RIOK3: variants seen among roughly 807,000 people sequenced by gnomAD.
RIOK3 encodes serine/threonine-protein kinase RIO3.
Under a neutral mutation model 63.5 loss-of-function variants are expected in RIOK3, and 40 were observed. The observed-to-expected ratio is 0.63, with a 90% CI of 0.49 to 0.82. The LOEUF (loss-of-function observed/expected upper bound fraction) is 0.82. Among genes scored for constraint, RIOK3 ranks in the 40% least tolerant of loss-of-function variants. RIOK3 has a pLI of 0.00. For synonymous variants in RIOK3, 193 were observed against 205.0 expected (o/e 0.94, Z 0.50); for missense variants, 557 against 637.0 (o/e 0.87, Z 1.35).
intron 5 of RIOK3, 32 bp from the exon 6 acceptor site, chr18:23,466,101 A>C: frequency 6.5e-7 from 1 of 1,531,454 alleles, no homozygotes; most frequent in Non-Finnish European, 8.8e-7. Flanking sequence ...CCTATTTTAA[A>C]ATATTTAGAT....
chr18:23,466,180 AC>A lies in RIOK3; in HGVS notation c.592del (p.Leu198TyrfsTer9). 1 of 1,610,380 alleles carries A rather than the reference AC, an allele frequency of 6.2e-7. No homozygotes were observed. The highest frequency in any genetic ancestry group is 8.5e-7 in the Non-Finnish European group (1 of 1,178,690). On this transcript the variant is annotated frameshift_variant, in exon 6 of 13. Transcript: ENST00000339486. LOFTEE classifies it high-confidence loss of function. ...VGDGIGMDLK[L>X]SNHVFNALKQ... ...GAGATGGAATTGGAATGGATTTAAA[AC>A]TATCAAACCATGTTTTCAATGCTTT...
intron 1 of RIOK3, chr18:23,456,333 A>C (rs971704812): frequency 6.6e-6 from 1 of 152,236 alleles, no homozygotes; most frequent in Non-Finnish European, 1.5e-5. Context: ...TGAAGTTAAA[A>C]CTGAGAAATA....
intron 1 of RIOK3, among the ~76,000 whole-genome samples, chr18:23,462,161 A>G (rs2057376398): frequency 3.9e-5 from 2 of 51,242 alleles, no homozygotes; most frequent in Non-Finnish European, 7.8e-5. Flanking sequence ...TTTTTTTGGC[A>G]GGGGGTCTCA....
rs768519244 is a variant in RIOK3 at position 23,466,219 on chromosome 18, C to G, written c.630C>G (p.Ala210=). Residue 210 remains alanine (A), a synonymous_variant, in exon 6 of 13, where the codon GCC becomes GCG. Coordinates refer to ENST00000339486, the MANE Select transcript of RIOK3 (RefSeq NM_003831.5). ...NHVFNALKQH[A]YSEERRSARL... The stretch of plus-strand genomic sequence containing the variant: ...TTTTCAATGCTTTAAAACAACATGC[C>G]TACTCAGAAGAACGTCGAAGTGCCC... 4 of 1,612,404 alleles carry G rather than the reference C, an allele frequency of 2.5e-6. No individual in the cohort carries two copies. Among genetic ancestry groups the G allele is most frequent in the Non-Finnish European group, 3.4e-6 (4 of 1,179,160 alleles).
At chr18:23,479,211 A>G in intron 11 of RIOK3, 106 bp from the exon 12 acceptor site, 1 of 671,650 alleles carries the variant, frequency 1.5e-6, no homozygotes, top group Non-Finnish European at 2.7e-6. Context: ...GCGTGTGCAC[A>G]CGTGCATGCA....
chr18:23,464,343 C>T (rs550405227), intron 4 of RIOK3, 30 bp downstream of exon 4: 1 of 1,477,804 alleles, frequency 6.8e-7, no homozygotes, highest in African/African-American at 1.4e-5. Context: ...CTGGGGGCAG[C>T]AGAATAGAGG....
Position 23,482,998 on chromosome 18 carries a change from A to T in RIOK3, c.*1719A>T, listed in dbSNP as rs1257312097. On this transcript the variant is annotated 3_prime_UTR_variant, in exon 13 of 13. Transcript: ENST00000339486. ...CAGAAATTTCAGAGAACTAATTTTT[A>T]AAATCTTTAGCATTTAAAACTTTTT... 1 of 152,204 alleles carries T rather than the reference A, an allele frequency of 6.6e-6. No homozygotes were observed. Among genetic ancestry groups the T allele is most frequent in the Non-Finnish European group, 1.5e-5 (1 of 68,028 alleles). The allele number at this position is 152,204 out of a possible 1,614,324, so 9.4% of individuals were successfully genotyped here. A position where few individuals can be genotyped will look rare whatever the true frequency, so the allele number is the denominator to read the frequency against.
In RIOK3 at chr18:23,481,168, G is replaced by A. The variant is rs1384140171; in HGVS notation, c.1453-4G>A. 6.3e-7 allele frequency: 1 copy of A among 1,575,350 alleles called. No homozygotes were observed. Among genetic ancestry groups the A allele is most frequent in the Non-Finnish European group, 8.7e-7 (1 of 1,145,306 alleles). On this transcript the variant is annotated splice_region_variant and splice_polypyrimidine_tract_variant and intron_variant, in intron 12 of 12. Coordinates refer to ENST00000339486, the MANE Select transcript of RIOK3 (RefSeq NM_003831.5). ...CAAATGGATTCAATGTATTATTTTT[G>A]TAGATAGAAGCTTTGGAGAAAATGA...
At chr18:23,455,766 C>G (rs1283851181) in intron 1 of RIOK3, among the ~76,000 whole-genome samples, 2 of 151,960 alleles carry the variant, frequency 1.3e-5, no homozygotes, top group Admixed American at 6.6e-5. Flanking sequence ...TCCTGATTAG[C>G]TGGACTACAG....
In RIOK3 at chr18:23,477,025, A is replaced by G. The variant is rs1183115832; in HGVS notation, c.1193A>G (p.His398Arg). 3 of 1,613,668 alleles carry G rather than the reference A, an allele frequency of 1.9e-6. No homozygotes were observed. The highest frequency in any genetic ancestry group is 1.7e-6 in the Non-Finnish European group (2 of 1,179,780). Residue 398 changes from histidine (H) to arginine (R), a missense_variant, in exon 10 of 13, where the codon CAT (histidine) becomes CGT (arginine). Physicochemically the swap from His to Arg is conservative, Grantham distance 29. This residue lies in a region of RIOK3 where 309 missense variants were observed against 338.7 expected (regional missense o/e 0.91). Transcript: ENST00000339486. ...TCACAGTTGATGCGGCAGTTATATC[A>G]TGAATGTACGCTTGTCCATGCTGAC... ...QTLHLMRQLY[H>R]ECTLVHADLS...
intron 1 of RIOK3, among the ~76,000 whole-genome samples, chr18:23,460,863 C>T (rs1158986629): frequency 6.6e-6 from 1 of 152,172 alleles, no homozygotes; most frequent in East Asian, 1.9e-4. Context: ...GTTCTCCACT[C>T]AATTACAGAT....
intron 5 of RIOK3, among the ~76,000 whole-genome samples, chr18:23,465,658 AT>A (rs1444484803): frequency 1.3e-5 from 2 of 152,224 alleles, no homozygotes; most frequent in African/African-American, 2.4e-5. Context: ...TTTTAATTTA[AT>A]TTTAATTAAC....
At position 23,453,594 on chromosome 18, in the gene RIOK3, G is replaced by A. The variant is rs1039026826; in HGVS notation, c.63+92G>A. 5.3e-5 allele frequency: 61 copies of A among 1,149,030 alleles called. 1 individual carries two copies. The African/African-American group carries it at 8.3e-4, about 16-fold the overall frequency. The allele number at this position is 1,149,030 out of a possible 1,614,324, so 71.2% of individuals were successfully genotyped here. On this transcript the variant is annotated intron_variant, in intron 1 of 12. Transcript: ENST00000339486. Reference sequence around the variant, plus strand: ...AGAGGGCGGCTTCGTGGGCGATTCGGGAAGTTCTGGGGCGGGACCCCGCGG... The same window carrying A: ...AGAGGGCGGCTTCGTGGGCGATTCGAGAAGTTCTGGGGCGGGACCCCGCGG...
intron 1 of RIOK3, among the ~76,000 whole-genome samples, chr18:23,455,606 T>C (rs1480334187): frequency 2.6e-5 from 4 of 151,936 alleles, no homozygotes; most frequent in Admixed American, 6.6e-5. Flanking sequence ...TTAGCCAAGA[T>C]GGTCTCGATC....
At chr18:23,459,376 G>A (rs1389295971) in intron 1 of RIOK3, among the ~76,000 whole-genome samples, 1 of 152,170 alleles carries the variant, frequency 6.6e-6, no homozygotes, top group African/African-American at 2.4e-5. Context: ...GGAAATACTG[G>A]AATGCCTCTT....
intron 12 of RIOK3, among the ~76,000 whole-genome samples, chr18:23,479,937 G>A (rs1423506484): frequency 6.6e-6 from 1 of 152,044 alleles, no homozygotes; most frequent in African/African-American, 2.4e-5. Context: ...TTCACGGAGG[G>A]CACCATTTGG....
chr18:23,465,093 C>T lies in RIOK3; in HGVS notation c.543+465C>T, dbSNP rs116324033. On this transcript the variant is annotated intron_variant, in intron 5 of 12. Transcript: ENST00000339486. ...AACTTTAAAAAATAGCATTCTAGGC[C>T]GGGCATGGAGGCTCATGCCTGTAAT... Among the ~76,000 whole-genome samples, 640 of 152,188 alleles carry T rather than the reference C, an allele frequency of 4.2e-3. 9 individuals are homozygous for T. Among genetic ancestry groups the T allele is most frequent in the African/African-American group, 0.015 (608 of 41,520 alleles).
chr18:23,453,650 T>C, intron 1 of RIOK3, 148 bp downstream of exon 1: 1 of 712,512 alleles, frequency 1.4e-6, no homozygotes, highest in Admixed American at 2.1e-5. Flanking sequence ...GCCGCGGGGG[T>C]GCCGGGATGG....
intron 1 of RIOK3, among the ~76,000 whole-genome samples, chr18:23,460,804 G>C (rs2057368703): frequency 6.6e-6 from 1 of 152,164 alleles, no homozygotes; most frequent in South Asian, 2.1e-4. Flanking sequence ...ATGTTCTCCA[G>C]ATGATAGAAA....
Sources: allele counts gnomAD v4.1 joint callset (sites outside exome capture counted in the v4.1 genomes callset), GRCh38; gene constraint gnomAD v4.1.1; regional missense constraint gnomAD v4.1.1; transcripts MANE v1.5; gene names NCBI Gene and HGNC (gene_info 2026-07-23, HGNC 2026-07-21).